NALCN: variants seen among roughly 807,000 people sequenced by gnomAD.
NALCN encodes sodium leak channel NALCN.
In NALCN, 111 loss-of-function variants were observed where a neutral mutation model predicts 225.3. The ratio of observed to expected loss-of-function variants is 0.49; its 90% CI spans 0.42 to 0.58. The LOEUF (loss-of-function observed/expected upper bound fraction) is 0.58. Among genes scored for constraint, NALCN ranks in the 20% least tolerant of loss-of-function variants. The pLI, the probability that NALCN is intolerant of heterozygous loss-of-function variation, is 0.00. For missense variants in NALCN, 1,378 were observed against 2,202.4 expected (o/e 0.63, Z 7.49); for synonymous variants, 764 against 769.0 (o/e 0.99, Z 0.11).
At chr13:101,332,397 CAAA>C (rs753158247) in intron 7 of NALCN, among the ~76,000 whole-genome samples, 2 of 57,828 alleles carry the variant, frequency 3.5e-5, no homozygotes, top group Admixed American at 2.2e-4. Context: ...TTCACAAAGC[CAAA>C]AAAAAAAAAA....
chr13:101,101,287 T>C (rs1160097083), intron 26 of NALCN, among the ~76,000 whole-genome samples: 1 of 141,818 alleles, frequency 7.1e-6, no homozygotes, highest in Non-Finnish European at 1.5e-5. Flanking sequence ...TTTTCTTTTT[T>C]TTTTTTTTTT....
At chr13:101,248,819 C>T (rs1267475948) in intron 11 of NALCN, among the ~76,000 whole-genome samples, 1 of 152,198 alleles carries the variant, frequency 6.6e-6, no homozygotes, top group African/African-American at 2.4e-5. Context: ...AGAAGTATAG[C>T]ACTTTCCTGA....
At chr13:101,056,046 C>T (rs2031200396) in intron 43 of NALCN, among the ~76,000 whole-genome samples, 1 of 152,228 alleles carries the variant, frequency 6.6e-6, no homozygotes, top group Admixed American at 6.5e-5. Flanking sequence ...CCTAATTAGA[C>T]TATTGTCAGG....
intron 7 of NALCN, among the ~76,000 whole-genome samples, chr13:101,309,406 T>A (rs1314207442): frequency 1.3e-5 from 2 of 152,226 alleles, no homozygotes; most frequent in African/African-American, 4.8e-5. Context: ...TCACAGTTCA[T>A]GACCATAATG....
intron 7 of NALCN, among the ~76,000 whole-genome samples, chr13:101,311,994 C>T (rs1403941123): frequency 6.6e-6 from 1 of 152,070 alleles, no homozygotes; most frequent in Non-Finnish European, 1.5e-5. Flanking sequence ...TGGTCCCGGA[C>T]TTTTTTTGGT....
intron 13 of NALCN, among the ~76,000 whole-genome samples, chr13:101,193,585 T>C (rs1352628683): frequency 6.6e-6 from 1 of 152,174 alleles, no homozygotes; most frequent in African/African-American, 2.4e-5. Flanking sequence ...TTCATGAAAA[T>C]ATGAAGCGTG....
chr13:101,289,549 T>C (rs200689961), intron 9 of NALCN, among the ~76,000 whole-genome samples: 53 of 81,160 alleles, frequency 6.5e-4, no homozygotes, highest in East Asian at 4.8e-3. Flanking sequence ...TATATATATA[T>C]ACACATATTT....
chr13:101,298,365 A>G (rs1408704919), intron 7 of NALCN, among the ~76,000 whole-genome samples: 1 of 149,818 alleles, frequency 6.7e-6, no homozygotes, highest in Non-Finnish European at 1.5e-5. Flanking sequence ...TCTGTCACCC[A>G]GGCTGGAGTG....
At chr13:101,249,855 T>G (rs1490260407) in intron 11 of NALCN, among the ~76,000 whole-genome samples, 3 of 152,074 alleles carry the variant, frequency 2.0e-5, no homozygotes, top group African/African-American at 7.2e-5. Context: ...CCACTATCAC[T>G]GCCTCTATTC....
At chr13:101,140,529 A>G (rs755910745) in intron 17 of NALCN, among the ~76,000 whole-genome samples, 2 of 152,220 alleles carry the variant, frequency 1.3e-5, no homozygotes, top group African/African-American at 2.4e-5. Flanking sequence ...TCCTGGAGAT[A>G]AGTGGTCACA....
intron 17 of NALCN, among the ~76,000 whole-genome samples, chr13:101,137,245 CTT>C (rs1446061053): frequency 6.6e-6 from 1 of 152,118 alleles, no homozygotes; most frequent in Non-Finnish European, 1.5e-5. Context: ...ATCTGTCACT[CTT>C]TTCCTGGAGA....
At chr13:101,283,143 G>A (rs1328591269) in intron 10 of NALCN, among the ~76,000 whole-genome samples, 1 of 152,164 alleles carries the variant, frequency 6.6e-6, no homozygotes, top group Admixed American at 6.5e-5. Flanking sequence ...CTACGAGTGG[G>A]CTGCTTGGAG....
In NALCN at chr13:101,058,024, C is replaced by G. The variant is rs778454658; in HGVS notation, c.4938G>C (p.Thr1646=). Reference sequence around the variant, plus strand: ...GCCGACTTCCTCCTCGATCCGACAGCGTGGGGCTCAGGAGCTGCTGCTGGC... The same window carrying G: ...GCCGACTTCCTCCTCGATCCGACAGGGTGGGGCTCAGGAGCTGCTGCTGGC... The part of the protein sequence containing the change: ...TSSQQQLLSP[T]LSDRGGSRQD... The change falls in exon 43 of 44, where the codon ACG becomes ACC. Residue 1646 remains threonine, a synonymous_variant. Transcript: ENST00000251127. The G allele has an allele frequency of 1.2e-6, 2 of 1,613,534 alleles. No homozygotes were observed. Among genetic ancestry groups the G allele is most frequent in the East Asian group, 2.2e-5 (1 of 44,878 alleles).
At chr13:101,195,795 T>G (rs932981411) in intron 13 of NALCN, among the ~76,000 whole-genome samples, 10 of 152,344 alleles carry the variant, frequency 6.6e-5, no homozygotes, top group Middle Eastern at 3.4e-3. Context: ...TAGAAAGACT[T>G]GACCCCTTCC....
In NALCN at chr13:101,058,042, C is replaced by T. The variant is rs891845505; in HGVS notation, c.4920G>A (p.Gln1640=). The change falls in exon 43 of 44, where the codon CAG becomes CAA. Residue 1640 remains glutamine, a synonymous_variant. Transcript: ENST00000251127. ...NSMQPETSSQ[Q]QLLSPTLSDR... ...CCGACAGCGTGGGGCTCAGGAGCTG[C>T]TGCTGGCTGCTTGTCTGCATGGGAG... 1.1e-5 allele frequency: 17 copies of T among 1,612,698 alleles called. No individual in the cohort carries two copies. In the African/African-American group the frequency reaches 2.3e-4, roughly 22 times the overall value.
intron 2 of NALCN, among the ~76,000 whole-genome samples, chr13:101,397,066 T>A (rs1384516535): frequency 5.3e-5 from 3 of 56,386 alleles, no homozygotes; most frequent in Admixed American, 2.1e-4. Context: ...TATGAATGTA[T>A]TATATATATA....
intron 13 of NALCN, among the ~76,000 whole-genome samples, chr13:101,200,456 C>T (rs901356282): frequency 6.6e-5 from 10 of 152,164 alleles, no homozygotes; most frequent in African/African-American, 1.4e-4. Flanking sequence ...AATGCCCTCA[C>T]GCTTTGGTGC....
intron 15 of NALCN, among the ~76,000 whole-genome samples, chr13:101,172,212 C>G (rs2038757772): frequency 6.6e-6 from 1 of 152,174 alleles, no homozygotes. Flanking sequence ...ACGGGCCCAC[C>G]GACAATCCAT....
intron 10 of NALCN, among the ~76,000 whole-genome samples, chr13:101,266,801 T>A (rs2042610721): frequency 6.6e-6 from 1 of 152,214 alleles, no homozygotes; most frequent in Admixed American, 6.5e-5. Context: ...AAATCTCCCA[T>A]TTGCAAGTGG....
Sources: allele counts gnomAD v4.1 joint callset (sites outside exome capture counted in the v4.1 genomes callset), GRCh38; gene constraint gnomAD v4.1.1; transcripts MANE v1.5; gene names NCBI Gene and HGNC (gene_info 2026-07-23, HGNC 2026-07-21).